Variants in NPY4R2 observed in about 807,000 individuals in gnomAD.
The protein encoded by NPY4R2 is neuropeptide Y receptor type 4-2.
For synonymous variants in NPY4R2, 6 were observed against 115.2 expected (o/e 0.05, Z 6.07); for missense variants, 7 against 268.8 (o/e 0.03, Z 6.81).
At chr10:47,914,909 C>T (rs1841639953), upstream of NPY4R2, among the ~76,000 whole-genome samples, 1 of 152,202 alleles carries the variant, frequency 6.6e-6, no homozygotes, top group Admixed American at 6.5e-5. Flanking sequence ...CTTTTGGGGT[C>T]AGTTATTTTG....
upstream of NPY4R2, among the ~76,000 whole-genome samples, chr10:47,914,986 C>G (rs1222015311): frequency 6.6e-6 from 1 of 152,294 alleles, no homozygotes; most frequent in Non-Finnish European, 1.5e-5. Flanking sequence ...CTTTGGTTCT[C>G]TGTTATAAGT....
chr10:47,918,379 G>GAAAGAA (rs1841034391), upstream of NPY4R2, among the ~76,000 whole-genome samples: 1 of 12,914 alleles, frequency 7.7e-5, no homozygotes, highest in African/African-American at 4.8e-4. Context: ...GAGAGAGAGA[G>GAAAGAA]AGAGAGAAAG....
chr10:47,918,376 AG>A (rs1554991261), upstream of NPY4R2, among the ~76,000 whole-genome samples: 1 of 17,710 alleles, frequency 5.6e-5, no homozygotes, highest in African/African-American at 4.5e-4. Context: ...AGAGAGAGAG[AG>A]AGAGAGAGAA....
upstream of NPY4R2, among the ~76,000 whole-genome samples, chr10:47,918,352 GGAGGGAGA>G (rs1420370113): frequency 6.2e-5 from 1 of 16,096 alleles, no homozygotes; most frequent in Admixed American, 6.8e-4. Context: ...GGAGGGGGAG[GGAGGGAGA>G]GAGAGAGAGA....
chr10:47,916,427 C>T (rs1554991957), upstream of NPY4R2, among the ~76,000 whole-genome samples: 1 of 120,920 alleles, frequency 8.3e-6, no homozygotes, highest in African/African-American at 2.7e-5. Context: ...ATTGGTTTAA[C>T]CTGAAATGTC....
upstream of NPY4R2, among the ~76,000 whole-genome samples, chr10:47,916,715 A>G (rs1554991842): frequency 1.6e-4 from 21 of 132,286 alleles, no homozygotes; most frequent in South Asian, 1.0e-3. Context: ...CTGTTCTCTG[A>G]CCCACAAGAG....
intron 1 of NPY4R2, among the ~76,000 whole-genome samples, chr10:47,920,227 AAAT>A (rs1192234298): frequency 1.1e-5 from 1 of 93,106 alleles, no homozygotes; most frequent in African/African-American, 6.6e-5. Flanking sequence ...TTAAATGACC[AAAT>A]GAGACTCTTT....
chr10:47,918,436 AG>A (rs1841016585), upstream of NPY4R2, among the ~76,000 whole-genome samples: 1 of 56,310 alleles, frequency 1.8e-5, no homozygotes, highest in Non-Finnish European at 3.9e-5. Context: ...AAAGAAAGAG[AG>A]AGAGAAAGAC....
upstream of NPY4R2, among the ~76,000 whole-genome samples, chr10:47,916,478 T>C (rs1554991932): frequency 1.2e-4 from 14 of 119,764 alleles, no homozygotes; most frequent in African/African-American, 3.6e-4. Context: ...GGCATTATGG[T>C]CCTGAAGGAA....
upstream of NPY4R2, among the ~76,000 whole-genome samples, chr10:47,918,443 A>G (rs1328467841): frequency 1.7e-4 from 8 of 46,704 alleles, no homozygotes; most frequent in African/African-American, 5.4e-4. Flanking sequence ...GAGAGAGAGA[A>G]AGACAGCGCA....
At chr10:47,914,909 CAGTT>C (rs1473437209), upstream of NPY4R2, among the ~76,000 whole-genome samples, 5 of 152,202 alleles carry the variant, frequency 3.3e-5, no homozygotes. Flanking sequence ...CTTTTGGGGT[CAGTT>C]ATTTTGTTTA....
chr10:47,921,421 A>G (rs1437976456), intron 2 of NPY4R2, among the ~76,000 whole-genome samples: 4 of 152,080 alleles, frequency 2.6e-5, no homozygotes, highest in Non-Finnish European at 5.9e-5. Context: ...TGCTGTCTCC[A>G]TTCAGATAAA....
intron 1 of NPY4R2, 24 bp from the exon 2 acceptor site, chr10:47,920,712 TCA>T (rs1310648129): frequency 3.6e-5 from 5 of 137,670 alleles, no homozygotes; most frequent in African/African-American, 1.4e-4. Context: ...TGCATCAGAA[TCA>T]CATAGTCTAC....
At chr10:47,916,671 G>C (rs1207508071), upstream of NPY4R2, among the ~76,000 whole-genome samples, 8 of 136,430 alleles carry the variant, frequency 5.9e-5, no homozygotes, top group Admixed American at 1.4e-4. Flanking sequence ...CAAGGGAGCT[G>C]TTTGCTGCTT....
At chr10:47,918,377 G>A (rs1554991260), upstream of NPY4R2, among the ~76,000 whole-genome samples, 3 of 17,946 alleles carry the variant, frequency 1.7e-4, no homozygotes, top group East Asian at 1.9e-3. Flanking sequence ...GAGAGAGAGA[G>A]AGAGAGAGAA....
At chr10:47,915,261 G>GA (rs1422029072), upstream of NPY4R2, among the ~76,000 whole-genome samples, 3 of 141,204 alleles carry the variant, frequency 2.1e-5, no homozygotes, top group African/African-American at 8.0e-5. Flanking sequence ...CTGGATCTGA[G>GA]AAACTCAACC....
chr10:47,918,346 GGGGA>G (rs1435136443), upstream of NPY4R2, among the ~76,000 whole-genome samples: 1 of 19,482 alleles, frequency 5.1e-5, no homozygotes, highest in Non-Finnish European at 1.0e-4. Flanking sequence ...AGAGAGGGAG[GGGGA>G]GGGAGGGAGA....
At chr10:47,918,397 G>GA (rs1841691938), upstream of NPY4R2, among the ~76,000 whole-genome samples, 33 of 24,178 alleles carry the variant, frequency 1.4e-3, 5 homozygotes, top group Non-Finnish European at 2.1e-3. Context: ...AAGAAAGAAA[G>GA]AAAGAAAGAA....
At chr10:47,918,362 AGAGAGAGAGAGAGAG>A (rs1841685716), upstream of NPY4R2, among the ~76,000 whole-genome samples, 30 of 16,154 alleles carry the variant, frequency 1.9e-3, 2 homozygotes, top group Non-Finnish European at 8.9e-4. Context: ...GGAGGGAGAG[AGAGAGAGAGAGAGAG>A]AGAGAGAGAA....
Sources: gnomAD v4.1 joint callset for allele counts (sites outside exome capture counted in the v4.1 genomes callset) on GRCh38, gnomAD v4.1.1 for gene constraint, MANE v1.5 for transcripts, NCBI Gene and HGNC (gene_info 2026-07-23, HGNC 2026-07-21) for gene names.